OR4K2: variants seen among roughly 807,000 people sequenced by gnomAD.
OR4K2 encodes the protein olfactory receptor family 4 subfamily K member 2, also known as olfactory receptor 4K2.
A neutral mutation model predicts 10.5 loss-of-function variants in OR4K2; 8 were observed. The ratio of observed to expected loss-of-function variants is 0.76; its 90% confidence interval spans 0.45 to 1.37. OR4K2 has a LOEUF of 1.37. OR4K2 is among the 40% of genes most tolerant of loss of function. OR4K2 has a pLI of 0.00. For missense variants in OR4K2, 547 were observed against 379.5 expected, an observed-to-expected ratio of 1.44 and a Z score of -3.67; for synonymous variants, 178 against 133.6, an observed-to-expected ratio of 1.33 and a Z score of -2.29.
At position 19,880,904 on chromosome 14, in the gene OR4K2, A is replaced by G. The variant is rs1881020278; in HGVS notation, c.*3692A>G. 1 of 152,262 alleles carries G rather than the reference A, an allele frequency of 6.6e-6. No individual in the cohort carries two copies. Among genetic ancestry groups the G allele is most frequent in the Non-Finnish European group, 1.5e-5 (1 of 68,050 alleles). 9.4% of individuals were successfully genotyped at this position (152,262 alleles called of 1,614,324 possible). On this transcript the variant is annotated 3_prime_UTR_variant, in exon 2 of 2. Transcript: ENST00000641885. Reference sequence around the variant, plus strand: ...GTATTATATGAGCTGTCTTATGTGAAGTATTTTTCTGCATTGATAAGGGTT... The same window carrying G: ...GTATTATATGAGCTGTCTTATGTGAGGTATTTTTCTGCATTGATAAGGGTT...
Position 19,878,638 on chromosome 14 carries a change from A to G in OR4K2, c.*1426A>G, listed in dbSNP as rs188769808. 6.6e-6 allele frequency: 1 copy of G among 152,342 alleles called. No homozygotes were observed. Among genetic ancestry groups the G allele is most frequent in the African/African-American group, 2.4e-5 (1 of 41,594 alleles). The allele number at this position is 152,342 out of a possible 1,614,324, so 9.4% of individuals were successfully genotyped here. On this transcript the variant is annotated 3_prime_UTR_variant, in exon 2 of 2. Transcript: ENST00000641885. ...AATGTACTAAGCAAATAAGGAAAAA[A>G]CTTACAGCTTGAAAGTCTGTGATAC...
Position 19,877,288 on chromosome 14 carries a change from T to C in OR4K2, c.*76T>C. On this transcript the variant is annotated 3_prime_UTR_variant, in exon 2 of 2. Coordinates refer to ENST00000641885, the MANE Select transcript of OR4K2 (RefSeq NM_001005501.2). ...TAGAGGGTTCTTACCAAATTGTAAT[T>C]GCCAAGAATTTGTGAGGGCTCAAGT... 1 of 1,054,896 alleles carries C rather than the reference T, an allele frequency of 9.5e-7. No individual in the cohort carries two copies. Among genetic ancestry groups the C allele is most frequent in the Non-Finnish European group, 1.4e-6 (1 of 737,338 alleles). The allele number at this position is 1,054,896 out of a possible 1,614,324, so 65.3% of individuals were successfully genotyped here. A position where few individuals can be genotyped will look rare whatever the true frequency, so the allele number is the denominator to read the frequency against.
chr14:19,877,193 A>G lies in OR4K2; in HGVS notation c.926A>G (p.Asn309Ser). ...RKLKNRFLNFNKAMPS is the reference protein window; with the variant it reads ...RKLKNRFLNFSKAMPS The stretch of plus-strand genomic sequence containing the variant: ...CTGAAAAATAGGTTTCTAAATTTTA[A>G]TAAGGCAATGCCTTCATAGTTTTTG... The change falls in exon 2 of 2, where the codon AAT (asparagine) becomes AGT (serine). Residue 309 changes from asparagine (N) to serine (S), a missense_variant. Coordinates refer to ENST00000641885, the MANE Select transcript of OR4K2 (RefSeq NM_001005501.2). 2 of 1,585,304 alleles carry G rather than the reference A, an allele frequency of 1.3e-6. No individual in the cohort carries two copies. Among genetic ancestry groups the G allele is most frequent in the South Asian group, 1.1e-5 (1 of 90,002 alleles).
rs1881000842 is a variant in OR4K2 at position 19,880,076 on chromosome 14, G to A, written c.*2864G>A. On this transcript the variant is annotated 3_prime_UTR_variant, in exon 2 of 2. Transcript: ENST00000641885. ...GATTTTCTTGTGATTTTTTTGTAAA[G>A]CTCATCAGCTATCTTTAGTATCAGT... 6.5e-6 allele frequency: 1 copy of A among 152,754 alleles called. No homozygotes were observed. Among genetic ancestry groups the A allele is most frequent in the African/African-American group, 2.4e-5 (1 of 41,460 alleles). 9.5% of individuals were successfully genotyped at this position (152,754 alleles called of 1,614,324 possible). A position where few individuals can be genotyped will look rare whatever the true frequency, so the allele number is the denominator to read the frequency against.
rs1052641149 is a variant in OR4K2, at chr14:19,880,985, T to C, written c.*3773T>C. The C allele has an allele frequency of 2.6e-5, 4 of 152,052 alleles. No individual in the cohort carries two copies. The highest frequency in any genetic ancestry group is 9.7e-5 in the African/African-American group (4 of 41,388). The allele number at this position is 152,052 out of a possible 1,614,324, so 9.4% of individuals were successfully genotyped here. A position where few individuals can be genotyped will look rare whatever the true frequency, so the allele number is the denominator to read the frequency against. ...TATATAGAAGTTCTTGGTAAAATGCTGTTATTTGTGCATATCCAGACTCCT... is the reference window on the plus strand; with the variant it reads ...TATATAGAAGTTCTTGGTAAAATGCCGTTATTTGTGCATATCCAGACTCCT... On this transcript the variant is annotated 3_prime_UTR_variant, in exon 2 of 2. Transcript: ENST00000641885.
rs1312488068 is a variant in OR4K2, at chr14:19,879,224, G to C, written c.*2012G>C. 6.6e-6 allele frequency: 1 copy of C among 152,120 alleles called. No homozygotes were observed. The highest frequency in any genetic ancestry group is 6.5e-5 in the Admixed American group (1 of 15,270). The allele number at this position is 152,120 out of a possible 1,614,324, so 9.4% of individuals were successfully genotyped here. Reference sequence around the variant, plus strand: ...TATAAATGGAACTATCACATTTCTCGGTGGCTTAGTGTGAGGAGTCAATAT... The same window carrying C: ...TATAAATGGAACTATCACATTTCTCCGTGGCTTAGTGTGAGGAGTCAATAT... On this transcript the variant is annotated 3_prime_UTR_variant, in exon 2 of 2. Transcript: ENST00000641885.
Sources: gnomAD v4.1 joint callset for allele counts on GRCh38, gnomAD v4.1.1 for gene constraint, MANE v1.5 for transcripts, NCBI Gene and HGNC (gene_info 2026-07-23, HGNC 2026-07-21) for gene names.